Variants in FAR2 observed in about 807,000 individuals in gnomAD.
FAR2 encodes epididymis secretory protein Li 81.
In FAR2, 19 loss-of-function variants were observed where a neutral mutation model predicts 56.0. The observed-to-expected ratio is 0.34, with a 90% CI of 0.24 to 0.50. FAR2 has a LOEUF of 0.50. FAR2 is among the 20% of genes least tolerant of loss of function. FAR2 has a pLI of 0.98. For synonymous variants in FAR2, 219 were observed against 218.8 expected (o/e 1.00, Z -0.01); for missense variants, 508 against 642.2 (o/e 0.79, Z 2.26).
chr12:29,297,206 T>C lies in FAR2; in HGVS notation c.545+6T>C, dbSNP rs1321380261. 1.2e-6 allele frequency: 2 copies of C among 1,609,782 alleles called. No homozygotes were observed. The highest frequency in any genetic ancestry group is 1.7e-5 in the Admixed American group (1 of 59,172). On this transcript the variant is annotated splice_donor_region_variant and intron_variant, in intron 4 of 11. Transcript: ENST00000536681. ...AAAATCATTGATTCCCTTGAGTAAGTTGGTCTAATAAAAGGATCAAGGGGC... is the reference window on the plus strand; with the variant it reads ...AAAATCATTGATTCCCTTGAGTAAGCTGGTCTAATAAAAGGATCAAGGGGC...
At position 29,153,945 on chromosome 12, in the gene FAR2, G is replaced by A. The variant is rs932345018; in HGVS notation, c.-39+4538G>A. ...CTGAAAAATAAAACAAAAACTGATC[G>A]CCCTGGTTATTACCTCTGGAAAAGT... On this transcript the variant is annotated intron_variant, in intron 1 of 11. Transcript: ENST00000536681. Among the ~76,000 whole-genome samples the A allele has an allele frequency of 3.9e-5, 6 of 152,152 alleles. No homozygotes were observed. The East Asian group carries it at 9.6e-4, about 24-fold the overall frequency.
chr12:29,205,580 A>G (rs1947469794), intron 1 of FAR2, among the ~76,000 whole-genome samples: 1 of 152,224 alleles, frequency 6.6e-6, no homozygotes, highest in Non-Finnish European at 1.5e-5. Context: ...AGGCTACAGA[A>G]CAGGTTCTGA....
intron 1 of FAR2, among the ~76,000 whole-genome samples, chr12:29,216,423 T>C (rs1014437729): frequency 4.6e-5 from 7 of 152,118 alleles, no homozygotes; most frequent in African/African-American, 1.4e-4. Context: ...TTGATGGGGA[T>C]TGGGGATCTT....
intron 2 of FAR2, among the ~76,000 whole-genome samples, chr12:29,274,186 C>CT (rs1048181540): frequency 9.5e-6 from 1 of 105,754 alleles, no homozygotes; most frequent in Non-Finnish European, 1.9e-5. Flanking sequence ...AATGCTATCC[C>CT]TCCCCCCTCC....
chr12:29,328,794 A>ATGAC (rs911539414), intron 10 of FAR2, among the ~76,000 whole-genome samples: 1 of 151,824 alleles, frequency 6.6e-6, no homozygotes, highest in Non-Finnish European at 1.5e-5. Flanking sequence ...GTAATGCTAA[A>ATGAC]TGACGAGTTA....
chr12:29,321,633 TAG>T (rs1268421787), intron 9 of FAR2, among the ~76,000 whole-genome samples, 160 bp from the exon 10 acceptor site: 4 of 152,002 alleles, frequency 2.6e-5, no homozygotes, highest in Admixed American at 2.6e-4. Context: ...GTTGAATGAA[TAG>T]AGAGTTAATG....
Position 29,189,187 on chromosome 12 carries a change from A to G in FAR2, c.-39+39780A>G, listed in dbSNP as rs140926075. Reference sequence around the variant, plus strand: ...CATTTATTATTTGAAATTCTCCTGTATGGAAGATTTGCCCATTATTCCTCA... The same window carrying G: ...CATTTATTATTTGAAATTCTCCTGTGTGGAAGATTTGCCCATTATTCCTCA... On this transcript the variant is annotated intron_variant, in intron 1 of 11. Transcript: ENST00000536681. Among the ~76,000 whole-genome samples the G allele has an allele frequency of 1.7e-3, 263 of 152,328 alleles. 2 individuals carry two copies. Among genetic ancestry groups the G allele is most frequent in the African/African-American group, 6.2e-3 (257 of 41,570 alleles).
chr12:29,199,323 G>A (rs910861940), intron 1 of FAR2, among the ~76,000 whole-genome samples: 1 of 152,210 alleles, frequency 6.6e-6, no homozygotes, highest in African/African-American at 2.4e-5. Context: ...ATCTCAGCCG[G>A]GCGCGGTGGC....
intron 1 of FAR2, among the ~76,000 whole-genome samples, chr12:29,167,924 G>T (rs1304436794): frequency 6.6e-6 from 1 of 152,192 alleles, no homozygotes; most frequent in Non-Finnish European, 1.5e-5. Flanking sequence ...GGATAGTGAT[G>T]GGAATTGTGG....
chr12:29,302,643 A>AAGG (rs1949195125), intron 4 of FAR2, among the ~76,000 whole-genome samples: 1 of 152,186 alleles, frequency 6.6e-6, no homozygotes, highest in South Asian at 2.1e-4. Context: ...AGATCCATTG[A>AAGG]AGGAGGGCCA....
intron 10 of FAR2, among the ~76,000 whole-genome samples, chr12:29,327,309 G>A (rs1400292166): frequency 5.3e-5 from 8 of 152,092 alleles, no homozygotes; most frequent in South Asian, 2.1e-4. Context: ...AATCAATATC[G>A]TGAAAATGGC....
rs1565518646 is a variant in FAR2 at position 29,311,120 on chromosome 12, T to C, written c.861T>C (p.Ala287=). Residue 287 remains alanine (A), a synonymous_variant, in exon 7 of 12, where the codon GCT becomes GCC. Transcript: ENST00000536681. ...ATACAGTCGTCAATCTCATGCTAGC[T>C]GTAGGATGGTATACTGCAGTTCACA... The part of the protein sequence containing the change: ...PVDTVVNLML[A]VGWYTAVHRP... The C allele has an allele frequency of 6.2e-7, 1 of 1,613,316 alleles. No individual in the cohort carries two copies. The highest frequency in any genetic ancestry group is 8.5e-7 in the Non-Finnish European group (1 of 1,179,360).
chr12:29,240,373 GCTCACTA>G (rs1481999468), intron 1 of FAR2, among the ~76,000 whole-genome samples: 2 of 152,022 alleles, frequency 1.3e-5, no homozygotes, highest in African/African-American at 4.8e-5. Flanking sequence ...CTGCTAATTG[GCTCACTA>G]CCTGTCAGGA....
chr12:29,326,000 G>A (rs1949638069), intron 10 of FAR2, among the ~76,000 whole-genome samples: 1 of 151,814 alleles, frequency 6.6e-6, no homozygotes, highest in Non-Finnish European at 1.5e-5. Flanking sequence ...TTGATAGACT[G>A]CTAGCAAGAC....
At chr12:29,254,581 G>T (rs888942822) in intron 1 of FAR2, among the ~76,000 whole-genome samples, 3 of 152,152 alleles carry the variant, frequency 2.0e-5, no homozygotes, top group Non-Finnish European at 2.9e-5. Context: ...TCACAAGTGT[G>T]TGAAAACCAA....
In FAR2 at chr12:29,236,293, G is replaced by A. The variant is rs944310062; in HGVS notation, c.-38-34119G>A. On this transcript the variant is annotated intron_variant, in intron 1 of 11. Transcript: ENST00000536681. ...CTTTTGTTACTAAACTTTAATATTC[G>A]GCAAGAATTACCCTCAACCATTTGA... is the stretch of plus-strand genomic sequence containing the variant. Among the ~76,000 whole-genome samples, 20 of 152,142 alleles carry A rather than the reference G, an allele frequency of 1.3e-4. No homozygotes were observed. In the East Asian group the frequency reaches 1.5e-3, roughly 12 times the overall value.
At chr12:29,187,097 T>G (rs1950051912) in intron 1 of FAR2, among the ~76,000 whole-genome samples, 1 of 152,278 alleles carries the variant, frequency 6.6e-6, no homozygotes, top group South Asian at 2.1e-4. Flanking sequence ...CCGGCTTAGT[T>G]CTTATAACTG....
intron 1 of FAR2, among the ~76,000 whole-genome samples, chr12:29,203,726 G>T (rs996461788): frequency 1.3e-5 from 2 of 152,124 alleles, no homozygotes; most frequent in African/African-American, 4.8e-5. Context: ...TCGGCCGGGG[G>T]CGGTGGCTCA....
At chr12:29,227,711 C>T (rs946872622) in intron 1 of FAR2, among the ~76,000 whole-genome samples, 12 of 151,990 alleles carry the variant, frequency 7.9e-5, no homozygotes, top group Middle Eastern at 3.2e-3. Flanking sequence ...AAGAAAATGT[C>T]GGTAAAAGCA....
Sources: gnomAD v4.1 joint callset for allele counts (sites outside exome capture counted in the v4.1 genomes callset) on GRCh38, gnomAD v4.1.1 for gene constraint, MANE v1.5 for transcripts, NCBI Gene and HGNC (gene_info 2026-07-23, HGNC 2026-07-21) for gene names.